NADK2: variants seen among roughly 807,000 people sequenced by gnomAD.
NADK2 encodes the protein NAD kinase domain-containing protein 1, mitochondrial.
NADK2 carries 35 observed loss-of-function variants against 62.1 expected under a neutral mutation model. That is an observed-to-expected ratio of 0.56 (90% CI 0.43 to 0.75). NADK2 has a LOEUF of 0.75. Ranked by LOEUF, NADK2 falls within the 30% of genes least tolerant of loss-of-function variation. The probability of loss-of-function intolerance (pLI) is 0.00; values close to 1 mark genes in which losing one functional copy is unlikely to be tolerated. For missense variants in NADK2, 439 were observed against 561.3 expected (o/e 0.78, Z 2.20); for synonymous variants, 205 against 207.9 (o/e 0.99, Z 0.12).
In NADK2 at chr5:36,200,358, GA is replaced by G. The variant is rs553985614; in HGVS notation, c.1013-79del. The G allele has an allele frequency of 1.1e-4, 94 of 845,918 alleles. No homozygotes were observed. In the Middle Eastern group the frequency reaches 2.7e-3, roughly 25 times the overall value. The allele number at this position is 845,918 out of a possible 1,614,324, so 52.4% of individuals were successfully genotyped here. ...ATATATATTTTCCTTGAAAAAGGGG[GA>G]AAAATGCTTAAAGTGTATATGTGTT... On this transcript the variant is annotated intron_variant, in intron 9 of 11. Transcript: ENST00000381937.
chr5:36,214,671 G>T (rs1746978450), intron 6 of NADK2, among the ~76,000 whole-genome samples: 1 of 152,150 alleles, frequency 6.6e-6, no homozygotes, highest in African/African-American at 2.4e-5. Flanking sequence ...AACAGAATGT[G>T]GACAAAAGTA....
At chr5:36,213,958 A>G (rs2112118002) in intron 6 of NADK2, among the ~76,000 whole-genome samples, 1 of 151,934 alleles carries the variant, frequency 6.6e-6, no homozygotes, top group South Asian at 2.1e-4. Flanking sequence ...CCTCATCCTA[A>G]TTTATCTCTC....
At chr5:36,197,513 A>G in intron 11 of NADK2, 28 bp downstream of exon 11, 1 of 1,611,714 alleles carries the variant, frequency 6.2e-7, no homozygotes, top group Non-Finnish European at 8.5e-7. Flanking sequence ...GGATGAAAAC[A>G]GTCAGAAGTC....
At chr5:36,227,447 C>A in intron 2 of NADK2, 30 bp downstream of exon 2, 1 of 1,179,284 alleles carries the variant, frequency 8.5e-7, no homozygotes, top group Non-Finnish European at 1.1e-6. Flanking sequence ...AATATAAAAT[C>A]CAACCCAAGA....
chr5:36,230,087 C>T (rs928797279), intron 1 of NADK2, among the ~76,000 whole-genome samples: 6 of 151,946 alleles, frequency 3.9e-5, no homozygotes, highest in African/African-American at 1.2e-4. Context: ...TAGATTATTC[C>T]GAACACAGAA....
At chr5:36,214,331 C>A (rs1472051282) in intron 6 of NADK2, among the ~76,000 whole-genome samples, 1 of 152,158 alleles carries the variant, frequency 6.6e-6, no homozygotes. Context: ...CAGGCATGCG[C>A]CACCACGCCT....
At chr5:36,204,308 A>G (rs763709771) in intron 8 of NADK2, among the ~76,000 whole-genome samples, 1 of 152,146 alleles carries the variant, frequency 6.6e-6, no homozygotes, top group Non-Finnish European at 1.5e-5. Flanking sequence ...TTGGCAGGCA[A>G]GGGAATTTGT....
chr5:36,214,742 C>CACA (rs1351738674), intron 6 of NADK2, among the ~76,000 whole-genome samples: 2 of 152,102 alleles, frequency 1.3e-5, no homozygotes, highest in Non-Finnish European at 1.5e-5. Context: ...GTTTTCTCCC[C>CACA]ACAAGATGCA....
Position 36,228,674 on chromosome 5 carries a change from G to A in NADK2, c.301-1109C>T, listed in dbSNP as rs117992785. 0.015 allele frequency among the ~76,000 whole-genome samples: 2,226 copies of A among 151,516 alleles called. 157 individuals carry two copies. In the East Asian group the frequency reaches 0.21, roughly 14 times the overall value. On this transcript the variant is annotated intron_variant, in intron 1 of 11. Transcript: ENST00000381937. ...GGCTCTGTTGCCCAGGCCGGGGTGT[G>A]GTAGTGTGATCTCAGCTTACTGCAA...
chr5:36,236,090 A>T (rs540139306), intron 1 of NADK2, among the ~76,000 whole-genome samples: 12 of 152,222 alleles, frequency 7.9e-5, no homozygotes, highest in Admixed American at 7.8e-4. Context: ...TTATATAATT[A>T]AAAATATAGT....
At chr5:36,210,754 C>G (rs1451463001) in intron 7 of NADK2, among the ~76,000 whole-genome samples, 1 of 152,180 alleles carries the variant, frequency 6.6e-6, no homozygotes, top group Admixed American at 6.5e-5. Flanking sequence ...TAAAAACAAG[C>G]AAGCAAACAA....
At chr5:36,222,491 G>C (rs1045974624) in intron 4 of NADK2, among the ~76,000 whole-genome samples, 4 of 152,158 alleles carry the variant, frequency 2.6e-5, no homozygotes, top group Non-Finnish European at 5.9e-5. Context: ...TTAAGCTAAA[G>C]AATGTGTCAT....
chr5:36,232,897 T>A (rs1309473849), intron 1 of NADK2, among the ~76,000 whole-genome samples: 1 of 152,130 alleles, frequency 6.6e-6, no homozygotes, highest in Non-Finnish European at 1.5e-5. Context: ...TACCTTTACA[T>A]CCATCCACAA....
rs1331394348 is a variant in NADK2 at position 36,219,784 on chromosome 5, G to T, written c.561-105C>A. On this transcript the variant is annotated intron_variant, in intron 4 of 11. Coordinates refer to ENST00000381937, the MANE Select transcript of NADK2 (RefSeq NM_001085411.3). ...TCACTAAGCTATAAAAATAAGAAAT[G>T]AAATTCTAAAAATGTCTACCCTATA... 4.6e-5 allele frequency: 38 copies of T among 833,318 alleles called. No homozygotes were observed. In the East Asian group the frequency reaches 9.9e-4, roughly 22 times the overall value. The allele number at this position is 833,318 out of a possible 1,614,324, so 51.6% of individuals were successfully genotyped here.
chr5:36,229,047 C>A (rs555946926), intron 1 of NADK2, among the ~76,000 whole-genome samples: 1 of 152,074 alleles, frequency 6.6e-6, no homozygotes, highest in Non-Finnish European at 1.5e-5. Flanking sequence ...AAAACACTAA[C>A]AATATGGAAA....
Position 36,241,294 on chromosome 5 carries a change from C to T in NADK2, c.300+205G>A. ...CTGTCCCTCTCTCTCCCCCTCTCCC[C>T]GGCCCTGCCTCTCCCTCGCACACAC... On this transcript the variant is annotated intron_variant, in intron 1 of 11. Transcript: ENST00000381937. This position sits in a 1 kb window ranked among gnomAD's most constrained non-coding sequence, Gnocchi z 4.9. The T allele has an allele frequency of 1.9e-6, 2 of 1,040,560 alleles. No individual in the cohort carries two copies. The highest frequency in any genetic ancestry group is 2.5e-6 in the Non-Finnish European group (2 of 787,358). The allele number at this position is 1,040,560 out of a possible 1,614,324, so 64.5% of individuals were successfully genotyped here.
intron 1 of NADK2, among the ~76,000 whole-genome samples, chr5:36,233,032 C>T (rs952284588): frequency 7.9e-5 from 12 of 152,096 alleles, no homozygotes; most frequent in South Asian, 2.1e-4. Context: ...TTAATAAATC[C>T]GTGTCACCTT....
chr5:36,230,077 T>C (rs1747650259), intron 1 of NADK2, among the ~76,000 whole-genome samples: 1 of 151,966 alleles, frequency 6.6e-6, no homozygotes, highest in African/African-American at 2.4e-5. Context: ...TGGCACCCTA[T>C]AGATTATTCC....
rs750259920 is a variant in NADK2 at position 36,226,547 on chromosome 5, C to A, written c.406G>T (p.Val136Phe). ...IDSLRNEGIEVRLVKRREYDE... is the reference protein window; with the variant it reads ...IDSLRNEGIEFRLVKRREYDE... ...TATTCTCTCCTCTTTACTAGACGAA[C>A]CTCAATTCCCTCATTCCTAGGATAA... is the stretch of plus-strand genomic sequence containing the variant. Residue 136 changes from valine to phenylalanine, a missense_variant, in exon 3 of 12, where the codon GTT (valine) becomes TTT (phenylalanine). By Grantham distance (50) the Val-to-Phe change is conservative. Coordinates refer to ENST00000381937, the MANE Select transcript of NADK2 (RefSeq NM_001085411.3). 8 of 1,611,618 alleles carry A rather than the reference C, an allele frequency of 5.0e-6. No homozygotes were observed. Among genetic ancestry groups the A allele is most frequent in the Non-Finnish European group, 6.8e-6 (8 of 1,178,580 alleles).
Sources: allele counts gnomAD v4.1 joint callset (sites outside exome capture counted in the v4.1 genomes callset), GRCh38; gene constraint gnomAD v4.1.1; non-coding constraint Gnocchi (gnomAD v3.1); transcripts MANE v1.5; gene names NCBI Gene and HGNC (gene_info 2026-07-23, HGNC 2026-07-21).